The following CAMTA1 variants were observed in gnomAD, a reference collection of about 807,000 sequenced individuals.
CAMTA1 encodes the protein calmodulin binding transcription activator 1.
A neutral mutation model predicts 170.9 loss-of-function variants in CAMTA1; 27 were observed. The observed-to-expected ratio is 0.16, with a 90% CI of 0.12 to 0.22. The LOEUF is 0.22. CAMTA1 is among the 10% of genes least tolerant of loss of function. The pLI, the probability that CAMTA1 is intolerant of heterozygous loss-of-function variation, is 1.00. For synonymous variants in CAMTA1, 833 were observed against 891.5 expected (o/e 0.93, Z 1.17); for missense variants, 1,619 against 2,217.2 (o/e 0.73, Z 5.42).
chr1:7,705,685 G>A (rs1270061080), intron 11 of CAMTA1, among the ~76,000 whole-genome samples: 1 of 152,160 alleles, frequency 6.6e-6, no homozygotes, highest in Non-Finnish European at 1.5e-5. Context: ...AGACAGGTGC[G>A]AGGCGAGGTG....
At chr1:7,544,229 G>C (rs1280775222) in intron 6 of CAMTA1, among the ~76,000 whole-genome samples, 1 of 152,202 alleles carries the variant, frequency 6.6e-6, no homozygotes, top group Non-Finnish European at 1.5e-5. Flanking sequence ...TGAAGAAGAT[G>C]CAAAAGCAGA....
At chr1:7,478,262 C>CT (rs1348414811) in intron 6 of CAMTA1, among the ~76,000 whole-genome samples, 12 of 97,714 alleles carry the variant, frequency 1.2e-4, no homozygotes, top group Non-Finnish European at 1.7e-4. Context: ...AAATGCTAGG[C>CT]TTGTGAGATG....
intron 4 of CAMTA1, among the ~76,000 whole-genome samples, chr1:7,130,479 G>A (rs145676533): frequency 6.4e-4 from 98 of 152,226 alleles, no homozygotes; most frequent in African/African-American, 2.1e-3. Context: ...ACCTAAATGT[G>A]GAGTGGTTGG....
intron 11 of CAMTA1, among the ~76,000 whole-genome samples, chr1:7,707,169 C>G (rs1577068689): frequency 6.6e-6 from 1 of 152,198 alleles, no homozygotes; most frequent in East Asian, 1.9e-4. Flanking sequence ...CAGGCGTGAG[C>G]CACCGTGCCT....
chr1:7,654,382 AAAAT>A (rs780020337), intron 7 of CAMTA1, among the ~76,000 whole-genome samples: 3 of 152,054 alleles, frequency 2.0e-5, no homozygotes, highest in Middle Eastern at 3.4e-3. Context: ...CCTGTCTCAA[AAAAT>A]AAATAAATAA....
intron 11 of CAMTA1, among the ~76,000 whole-genome samples, chr1:7,729,731 A>C (rs1203263556): frequency 1.3e-5 from 2 of 152,244 alleles, no homozygotes; most frequent in Non-Finnish European, 2.9e-5. Flanking sequence ...GATAATAACA[A>C]CACCTACCTC....
intron 4 of CAMTA1, among the ~76,000 whole-genome samples, chr1:7,157,910 A>C (rs1057194216): frequency 5.3e-5 from 8 of 152,208 alleles, no homozygotes; most frequent in Non-Finnish European, 1.2e-4. Flanking sequence ...CTGTAATCCC[A>C]GCACTTTGGG....
intron 6 of CAMTA1, among the ~76,000 whole-genome samples, chr1:7,578,331 C>T (rs984363396): frequency 1.3e-5 from 2 of 152,122 alleles, no homozygotes; most frequent in Admixed American, 6.5e-5. Context: ...AAGAGAAAGC[C>T]GAGGCCCTGG....
intron 6 of CAMTA1, among the ~76,000 whole-genome samples, chr1:7,557,646 C>T (rs1246942230): frequency 6.6e-6 from 1 of 152,230 alleles, no homozygotes; most frequent in Non-Finnish European, 1.5e-5. Flanking sequence ...GCCCATTTCT[C>T]CCCCAGCTCC....
chr1:6,985,753 G>A (rs575780393), intron 3 of CAMTA1, among the ~76,000 whole-genome samples: 3 of 152,336 alleles, frequency 2.0e-5, no homozygotes, highest in African/African-American at 7.2e-5. Context: ...ACAGTGGGCT[G>A]TGTGTGAGCA....
At chr1:6,902,962 A>G (rs557556338) in intron 3 of CAMTA1, among the ~76,000 whole-genome samples, 2 of 152,342 alleles carry the variant, frequency 1.3e-5, no homozygotes, top group African/African-American at 4.8e-5. Flanking sequence ...TTCCACTCTT[A>G]AGTATTTACT....
chr1:6,956,294 C>T (rs1352792776), intron 3 of CAMTA1, among the ~76,000 whole-genome samples: 1 of 152,136 alleles, frequency 6.6e-6, no homozygotes, highest in East Asian at 1.9e-4. Flanking sequence ...TACTCAGGTG[C>T]ATACTATGTG....
rs1486834509 is a variant in CAMTA1, at chr1:7,768,681, C to T, written c.*2190C>T. On this transcript the variant is annotated 3_prime_UTR_variant, in exon 23 of 23. Coordinates refer to ENST00000303635, the MANE Select transcript of CAMTA1 (RefSeq NM_015215.4). ...TTCTGCTTGTGATCAGCTTTGACAACAGTGACAGCCCCACAACTAGTAGCC... is the reference window on the plus strand; with the variant it reads ...TTCTGCTTGTGATCAGCTTTGACAATAGTGACAGCCCCACAACTAGTAGCC... The T allele has an allele frequency of 6.6e-6, 1 of 152,644 alleles. No individual in the cohort carries two copies. Among genetic ancestry groups the T allele is most frequent in the Non-Finnish European group, 1.5e-5 (1 of 68,020 alleles). The allele number at this position is 152,644 out of a possible 1,614,324, so 9.5% of individuals were successfully genotyped here. A position where few individuals can be genotyped will look rare whatever the true frequency, so the allele number is the denominator to read the frequency against.
At chr1:7,284,740 G>A (rs1233955735) in intron 5 of CAMTA1, among the ~76,000 whole-genome samples, 1 of 152,188 alleles carries the variant, frequency 6.6e-6, no homozygotes, top group Admixed American at 6.5e-5. Context: ...CAAGGCCTTT[G>A]CACGTGTTCT....
intron 3 of CAMTA1, among the ~76,000 whole-genome samples, chr1:6,974,388 C>G (rs930535129): frequency 1.3e-5 from 2 of 152,216 alleles, no homozygotes; most frequent in African/African-American, 4.8e-5. Flanking sequence ...TGGAGGGTCT[C>G]TAGCTTGGAG....
chr1:7,032,216 C>T (rs539380717), intron 3 of CAMTA1, among the ~76,000 whole-genome samples: 9 of 152,190 alleles, frequency 5.9e-5, no homozygotes, highest in South Asian at 4.2e-4. Flanking sequence ...CCACCTGCCT[C>T]GGCCTCCCAG....
intron 3 of CAMTA1, among the ~76,000 whole-genome samples, chr1:6,989,552 A>C (rs928664813): frequency 7.9e-5 from 12 of 152,132 alleles, no homozygotes; most frequent in Admixed American, 7.9e-4. Flanking sequence ...CCCAAACAAG[A>C]TTTATGAGAA....
chr1:7,420,514 G>C (rs912557304), intron 5 of CAMTA1, among the ~76,000 whole-genome samples: 1 of 152,102 alleles, frequency 6.6e-6, no homozygotes, highest in Non-Finnish European at 1.5e-5. Context: ...TCTAGTGAAG[G>C]ACTAAGGGAG....
intron 4 of CAMTA1, among the ~76,000 whole-genome samples, chr1:7,202,362 A>C (rs1205951638): frequency 2.6e-5 from 4 of 152,156 alleles, no homozygotes; most frequent in Admixed American, 6.5e-5. Flanking sequence ...TGTTTTGGCT[A>C]TTCTGTGTCT....
Sources: gnomAD v4.1 joint callset for allele counts (sites outside exome capture counted in the v4.1 genomes callset) on GRCh38, gnomAD v4.1.1 for gene constraint, MANE v1.5 for transcripts, NCBI Gene and HGNC (gene_info 2026-07-23, HGNC 2026-07-21) for gene names.